The following KCNMA1 variants were observed in gnomAD, a reference collection of about 807,000 sequenced individuals.
KCNMA1 encodes the protein Calcium-activated potassium channel subunit alpha-1.
A neutral mutation model predicts 140.0 loss-of-function variants in KCNMA1; 29 were observed. That is an observed-to-expected ratio of 0.21 (90% CI 0.15 to 0.28). KCNMA1 has a LOEUF of 0.28. KCNMA1 is among the 10% of genes least tolerant of loss of function. The pLI is 1.00. For synonymous variants in KCNMA1, 612 were observed against 611.9 expected (o/e 1.00, Z 0.00); for missense variants, 880 against 1,602.2 (o/e 0.55, Z 7.70).
intron 16 of KCNMA1, chr10:77,020,511 CA>C (rs1268251129): frequency 6.6e-6 from 1 of 152,206 alleles, no homozygotes; most frequent in African/African-American, 2.4e-5. Flanking sequence ...TTCTGCCCTA[CA>C]ACCACAGGCA....
chr10:77,367,569 T>C (rs1420985904), intron 2 of KCNMA1, among the ~76,000 whole-genome samples: 1 of 152,220 alleles, frequency 6.6e-6, no homozygotes, highest in Non-Finnish European at 1.5e-5. Flanking sequence ...TAAATTACTA[T>C]ACAGTAAATT....
intron 2 of KCNMA1, among the ~76,000 whole-genome samples, chr10:77,289,991 A>G (rs1354991285): frequency 1.3e-5 from 2 of 152,194 alleles, no homozygotes; most frequent in Non-Finnish European, 2.9e-5. Context: ...AGATAAAGCT[A>G]TGGTGATGAA....
At chr10:77,015,333 T>G (rs777070116) in intron 17 of KCNMA1, among the ~76,000 whole-genome samples, 13 of 152,100 alleles carry the variant, frequency 8.5e-5, no homozygotes, top group Non-Finnish European at 1.5e-4. Context: ...CAGCTCCTGA[T>G]AGCCCTCCTT....
intron 23 of KCNMA1, among the ~76,000 whole-genome samples, chr10:76,928,200 T>G (rs1242156871): frequency 6.6e-6 from 1 of 152,102 alleles, no homozygotes; most frequent in Non-Finnish European, 1.5e-5. Context: ...TAAAATTTTC[T>G]TTTTGAAATG....
At chr10:77,102,800 T>C (rs2097128415) in intron 9 of KCNMA1, among the ~76,000 whole-genome samples, 1 of 152,214 alleles carries the variant, frequency 6.6e-6, no homozygotes, top group South Asian at 2.1e-4. Context: ...AGAATCTTAG[T>C]CTTTTCTGGT....
chr10:76,890,582 G>A (rs931023060), intron 26 of KCNMA1, among the ~76,000 whole-genome samples: 2 of 152,192 alleles, frequency 1.3e-5, no homozygotes, highest in Non-Finnish European at 2.9e-5. Context: ...GGGAAAGTAT[G>A]CAGCACTGTT....
intron 5 of KCNMA1, among the ~76,000 whole-genome samples, chr10:77,172,839 A>G (rs957945880): frequency 7.2e-5 from 11 of 152,200 alleles, no homozygotes; most frequent in African/African-American, 2.4e-4. Context: ...TCCCAGATCA[A>G]GGCGACAACA....
intron 18 of KCNMA1, among the ~76,000 whole-genome samples, chr10:77,008,833 T>C (rs2089958651): frequency 6.6e-6 from 1 of 152,260 alleles, no homozygotes; most frequent in African/African-American, 2.4e-5. Flanking sequence ...AACCAAGCAA[T>C]GTCTGTTCGA....
chr10:77,198,737 T>A (rs1296686954), intron 3 of KCNMA1, among the ~76,000 whole-genome samples: 1 of 152,120 alleles, frequency 6.6e-6, no homozygotes, highest in Admixed American at 6.5e-5. Context: ...AGGCTTGTTA[T>A]CATTTTTCTT....
Position 77,022,331 on chromosome 10 carries a change from A to G in KCNMA1, c.1929-3232T>C, listed in dbSNP as rs182593251. Among the ~76,000 whole-genome samples the G allele has an allele frequency of 1.6e-3, 248 of 152,306 alleles. 5 individuals are homozygous for G. Among genetic ancestry groups the G allele is most frequent in the Non-Finnish European group, 1.9e-4 (13 of 68,028 alleles). ...TCTAAGAGAAAAAGCCCATATATCC[A>G]TTAACAGAATTCCAACAAGGACATG... On this transcript the variant is annotated intron_variant, in intron 16 of 27. Coordinates refer to ENST00000286628, the MANE Select transcript of KCNMA1 (RefSeq NM_001161352.2).
chr10:77,523,290 C>T (rs1400435303), intron 1 of KCNMA1, among the ~76,000 whole-genome samples: 2 of 149,858 alleles, frequency 1.3e-5, no homozygotes, highest in African/African-American at 4.9e-5. Flanking sequence ...CACCTTGGAG[C>T]TCTCCAATTT....
At chr10:77,626,669 T>G (rs2092569820) in intron 1 of KCNMA1, among the ~76,000 whole-genome samples, 1 of 152,202 alleles carries the variant, frequency 6.6e-6, no homozygotes, top group Non-Finnish European at 1.5e-5. Flanking sequence ...ATTCTGCTCT[T>G]GGTTAACAAG....
intron 19 of KCNMA1, chr10:76,974,479 T>TC: frequency 6.6e-7 from 1 of 1,520,900 alleles, no homozygotes; most frequent in Non-Finnish European, 8.9e-7. Flanking sequence ...GTCCCAGTCT[T>TC]CCTTCACCTG....
intron 1 of KCNMA1, among the ~76,000 whole-genome samples, chr10:77,447,702 G>A (rs1356435763): frequency 6.6e-6 from 1 of 152,130 alleles, no homozygotes; most frequent in African/African-American, 2.4e-5. Context: ...TTGGATCCTG[G>A]GATCAAGAAC....
chr10:77,263,891 T>G (rs186472944), intron 2 of KCNMA1, among the ~76,000 whole-genome samples: 3 of 152,154 alleles, frequency 2.0e-5, no homozygotes, highest in Non-Finnish European at 2.9e-5. Context: ...TTTCAGTGGG[T>G]TGAAATCCAG....
chr10:77,622,071 G>T (rs1002108895), intron 1 of KCNMA1, among the ~76,000 whole-genome samples: 1 of 152,124 alleles, frequency 6.6e-6, no homozygotes, highest in Non-Finnish European at 1.5e-5. Flanking sequence ...GTTGTACATT[G>T]AGTAACCTGC....
At chr10:77,382,994 G>GTATATATATATATATATATATATA (rs544257955) in intron 2 of KCNMA1, among the ~76,000 whole-genome samples, 3 of 46,436 alleles carry the variant, frequency 6.5e-5, no homozygotes, top group African/African-American at 2.9e-4. Flanking sequence ...GTGTGTGTGT[G>GTATATATATATATATATATATATA]TATATATATA....
intron 1 of KCNMA1, among the ~76,000 whole-genome samples, chr10:77,482,640 A>G (rs1243969236): frequency 6.6e-6 from 1 of 152,002 alleles, no homozygotes; most frequent in Admixed American, 6.5e-5. Flanking sequence ...GTCACTACAT[A>G]TTCCTCCCAG....
At chr10:77,157,645 T>C (rs2098504128) in intron 5 of KCNMA1, among the ~76,000 whole-genome samples, 2 of 152,128 alleles carry the variant, frequency 1.3e-5, no homozygotes. Context: ...ATAAGAGCAC[T>C]CTTATCTTGG....
Sources: gnomAD v4.1 joint callset for allele counts (sites outside exome capture counted in the v4.1 genomes callset) on GRCh38, gnomAD v4.1.1 for gene constraint, MANE v1.5 for transcripts, NCBI Gene and HGNC (gene_info 2026-07-23, HGNC 2026-07-21) for gene names.